The following NEU1 variants were observed in gnomAD, a reference collection of about 807,000 sequenced individuals.
NEU1 encodes neuraminidase 1.
NEU1 carries 32 observed loss-of-function variants against 38.3 expected under a neutral mutation model. That is an observed-to-expected ratio of 0.84 (90% confidence interval 0.63 to 1.12). NEU1 has a LOEUF of 1.12. Among genes scored for constraint, NEU1 ranks in the 50% most tolerant of loss-of-function variants. The probability of loss-of-function intolerance (pLI) is 0.00; values close to 1 mark genes in which losing one functional copy is unlikely to be tolerated. For missense variants in NEU1, 431 were observed against 549.2 expected, an observed-to-expected ratio of 0.78 and a Z score of 2.15; for synonymous variants, 192 against 225.2, an observed-to-expected ratio of 0.85 and a Z score of 1.32.
At position 31,859,864 on chromosome 6, in the gene NEU1, C is replaced by G; in HGVS notation, c.1103G>C (p.Ser368Thr). ...CAGGGTTGCCAGGGATGAATAGCCACTGGGGCCTGGCCATAGCTGGACTGT... is the reference window on the plus strand; with the variant it reads ...CAGGGTTGCCAGGGATGAATAGCCAGTGGGGCCTGGCCATAGCTGGACTGT... ...KETVQLWPGPSGYSSLATLEG... is the reference protein window; with the variant it reads ...KETVQLWPGPTGYSSLATLEG... The change falls in exon 6 of 6, where the codon AGT (serine) becomes ACT (threonine). Residue 368 changes from serine to threonine, a missense_variant. Transcript: ENST00000375631. 7 of 1,613,102 alleles carry G rather than the reference C, an allele frequency of 4.3e-6. No individual in the cohort carries two copies. The highest frequency in any genetic ancestry group is 5.9e-6 in the Non-Finnish European group (7 of 1,180,038).
rs1314104855 is a variant in NEU1 at position 31,860,398 on chromosome 6, G to A, written c.798+41C>T. On this transcript the variant is annotated intron_variant, in intron 4 of 5. Coordinates refer to ENST00000375631, the MANE Select transcript of NEU1 (RefSeq NM_000434.4). The surrounding 1 kb of genome is among the most constrained non-coding windows in gnomAD (Gnocchi z 4.8). ...CGTGAAATGATGTTCTGGAGGGCAGGGAGGGTCAAATGGGTAGGGAACATC... is the reference window on the plus strand; with the variant it reads ...CGTGAAATGATGTTCTGGAGGGCAGAGAGGGTCAAATGGGTAGGGAACATC... 6.2e-7 allele frequency: 1 copy of A among 1,612,776 alleles called. No homozygotes were observed. Among genetic ancestry groups the A allele is most frequent in the Admixed American group, 1.7e-5 (1 of 60,006 alleles).
At position 31,862,066 on chromosome 6, in the gene NEU1, C is replaced by T. The variant is rs1443934122; in HGVS notation, c.285G>A (p.Glu95=). ...TPRGTLLAFA[E]ARKMSSSDEG... ...CATCGGATGAGGACATTTTCCTCGC[C>T]TCAGCAAAGGCGAGAAGAGTGCCCC... is the stretch of plus-strand genomic sequence containing the variant. Residue 95 remains glutamate (E), a synonymous_variant, in exon 2 of 6, where the codon GAG becomes GAA. Coordinates refer to ENST00000375631, the MANE Select transcript of NEU1 (RefSeq NM_000434.4). The surrounding 1 kb of genome is among the most constrained non-coding windows in gnomAD (Gnocchi z 6.3). 13 of 1,612,962 alleles carry T rather than the reference C, an allele frequency of 8.1e-6. No individual in the cohort carries two copies. The highest frequency in any genetic ancestry group is 1.0e-5 in the Non-Finnish European group (12 of 1,180,050).
Position 31,862,645 on chromosome 6 carries a change from C to T in NEU1, c.132G>A (p.Trp44Ter). 6.2e-7 allele frequency: 1 copy of T among 1,613,084 alleles called. No homozygotes were observed. Among genetic ancestry groups the T allele is most frequent in the Non-Finnish European group, 8.5e-7 (1 of 1,180,032 alleles). The part of the protein sequence containing the change: ...IFLLLSLAAS[W>*]SKAENDFGLV... ...GACCGAAGTCGTTCTCAGCCTTGGA[C>T]CAGGAGGCTGCCAGAGACAGCAGCA... The change falls in exon 1 of 6, where the codon TGG becomes TGA. Residue 44 changes from tryptophan to a stop codon, truncating the protein, a stop_gained. Transcript: ENST00000375631. LOFTEE classifies it high-confidence loss of function. The surrounding 1 kb of genome is among the most constrained non-coding windows in gnomAD (Gnocchi z 6.3).
Position 31,860,403 on chromosome 6 carries a change from G to T in NEU1, c.798+36C>A. 6.2e-7 allele frequency: 1 copy of T among 1,613,406 alleles called. No homozygotes were observed. The highest frequency in any genetic ancestry group is 1.1e-5 in the South Asian group (1 of 91,066). On this transcript the variant is annotated intron_variant, in intron 4 of 5. Coordinates refer to ENST00000375631, the MANE Select transcript of NEU1 (RefSeq NM_000434.4). This position sits in a 1 kb window ranked among gnomAD's most constrained non-coding sequence, Gnocchi z 4.8. ...AATGATGTTCTGGAGGGCAGGGAGG[G>T]TCAAATGGGTAGGGAACATCTCATG...
At position 31,860,141 on chromosome 6, in the gene NEU1, T is replaced by C. The variant is rs1301513694; in HGVS notation, c.922A>G (p.Thr308Ala). ...GGGTCCACGAGCTCAGGGTCGAAGG[T>C]CACATCACGGGGCCTTAGTGTATCA... The part of the protein sequence containing the change: ...ACDTLRPRDV[T>A]FDPELVDPVV... Residue 308 changes from threonine (T) to alanine (A), a missense_variant, in exon 5 of 6, where the codon ACC becomes GCC. By Grantham distance (58) the Thr-to-Ala change is moderately conservative. Transcript: ENST00000375631. The surrounding 1 kb of genome is among the most constrained non-coding windows in gnomAD (Gnocchi z 4.8). 2 of 1,612,832 alleles carry C rather than the reference T, an allele frequency of 1.2e-6. No individual in the cohort carries two copies. Among genetic ancestry groups the C allele is most frequent in the African/African-American group, 1.3e-5 (1 of 74,890 alleles).
chr6:31,858,837 C>T lies in NEU1; in HGVS notation c.*882G>A, dbSNP rs1457417515. 1.3e-5 allele frequency: 2 copies of T among 151,358 alleles called. No individual in the cohort carries two copies. Among genetic ancestry groups the T allele is most frequent in the African/African-American group, 4.9e-5 (2 of 41,076 alleles). The allele number at this position is 151,358 out of a possible 1,614,324, so 9.4% of individuals were successfully genotyped here. On this transcript the variant is annotated 3_prime_UTR_variant, in exon 6 of 6. Transcript: ENST00000375631. ...CCATACCAGCCTGGGCAACATAGCG[C>T]AACCTTGTCTCTACTGAAAATAAAA...
rs1386048166 is a variant in NEU1 at position 31,862,806 on chromosome 6, G to A, written c.-30C>T. 1 of 1,612,086 alleles carries A rather than the reference G, an allele frequency of 6.2e-7. No individual in the cohort carries two copies. The highest frequency in any genetic ancestry group is 2.2e-5 in the East Asian group (1 of 44,866). On this transcript the variant is annotated 5_prime_UTR_variant, in exon 1 of 6. Transcript: ENST00000375631. This position sits in a 1 kb window ranked among gnomAD's most constrained non-coding sequence, Gnocchi z 6.3. ...CCCCGCAGCTGCCGCGACCCTGGCA[G>A]CTAGACTCCACAGAGTCGGGAGTCA...
intron 2 of NEU1, 118 bp downstream of exon 2, chr6:31,861,881 C>T: frequency 8.8e-7 from 1 of 1,137,372 alleles, no homozygotes; most frequent in Non-Finnish European, 1.3e-6. Context: ...TTCCCTCTAC[C>T]CCTCAGGGAC....
rs1308129606 is a variant in NEU1 at position 31,862,217 on chromosome 6, C to A, written c.160-26G>T. On this transcript the variant is annotated intron_variant, in intron 1 of 5. Transcript: ENST00000375631. This position sits in a 1 kb window ranked among gnomAD's most constrained non-coding sequence, Gnocchi z 6.3. ...CTGTCATGGGAGGAGGAAGGGTCAA[C>A]AAAGACAAACTTGTCTTGGGGGTTT... is the stretch of plus-strand genomic sequence containing the variant. 3 of 1,611,378 alleles carry A rather than the reference C, an allele frequency of 1.9e-6. No individual in the cohort carries two copies. The South Asian group carries it at 3.3e-5, about 18-fold the overall frequency.
At position 31,862,295 on chromosome 6, in the gene NEU1, G is replaced by A; in HGVS notation, c.160-104C>T. The A allele has an allele frequency of 1.6e-6, 2 of 1,247,304 alleles. No individual in the cohort carries two copies. Among genetic ancestry groups the A allele is most frequent in the Non-Finnish European group, 2.3e-6 (2 of 868,388 alleles). 77.3% of individuals were successfully genotyped at this position (1,247,304 alleles called of 1,614,324 possible). A position where few individuals can be genotyped will look rare whatever the true frequency, so the allele number is the denominator to read the frequency against. On this transcript the variant is annotated intron_variant, in intron 1 of 5. Coordinates refer to ENST00000375631, the MANE Select transcript of NEU1 (RefSeq NM_000434.4). The surrounding 1 kb of genome is among the most constrained non-coding windows in gnomAD (Gnocchi z 6.3). ...GAGGATCTAATGGGGATCCCGAGTA[G>A]GGGATGGGGTCCCAGAACAAGAAAG...
chr6:31,860,766 CATAA>C lies in NEU1; in HGVS notation c.616-149_616-146del, dbSNP rs1488693383. ...CTCACTGAGGGTTCCAGTCAGATCC[CATAA>C]ATACACACCCTGTTTGAATTAAGAA... On this transcript the variant is annotated intron_variant, in intron 3 of 5. Transcript: ENST00000375631. This position sits in a 1 kb window ranked among gnomAD's most constrained non-coding sequence, Gnocchi z 4.8. 1.2e-5 allele frequency: 10 copies of C among 835,884 alleles called. No individual in the cohort carries two copies. Among genetic ancestry groups the C allele is most frequent in the Non-Finnish European group, 1.8e-5 (9 of 505,342 alleles). 51.8% of individuals were successfully genotyped at this position (835,884 alleles called of 1,614,324 possible).
chr6:31,858,649 A>C lies in NEU1; in HGVS notation c.*1070T>G, dbSNP rs1258383135. ...TAAATTAAAAAATAAATAAATAAAAAATAAAAAATATCTTATGGCACTCCC... is the reference window on the plus strand; with the variant it reads ...TAAATTAAAAAATAAATAAATAAAACATAAAAAATATCTTATGGCACTCCC... On this transcript the variant is annotated 3_prime_UTR_variant, in exon 6 of 6. Transcript: ENST00000375631. 1 of 151,468 alleles carries C rather than the reference A, an allele frequency of 6.6e-6. No individual in the cohort carries two copies. The highest frequency in any genetic ancestry group is 1.9e-4 in the East Asian group (1 of 5,168). 9.4% of individuals were successfully genotyped at this position (151,468 alleles called of 1,614,324 possible). A position where few individuals can be genotyped will look rare whatever the true frequency, so the allele number is the denominator to read the frequency against.
In NEU1 at chr6:31,860,057, C is replaced by A. The variant is rs1762442605; in HGVS notation, c.1006G>T (p.Ala336Ser). The stretch of plus-strand genomic sequence containing the variant: ...AGGCACTCACGGAACTCTGGATGTG[C>A]TGGGTTGGAGAAGAAGACAATGCCG... ...SSGIVFFSNP[A>S]HPEFRVNLTL... The change falls in exon 5 of 6, where the codon GCA (alanine) becomes TCA (serine). Residue 336 changes from alanine to serine, a missense_variant. By Grantham distance (99) the Ala-to-Ser change is moderately conservative (BLOSUM62 1). Coordinates refer to ENST00000375631, the MANE Select transcript of NEU1 (RefSeq NM_000434.4). The surrounding 1 kb of genome is among the most constrained non-coding windows in gnomAD (Gnocchi z 4.8). The A allele has an allele frequency of 6.2e-7, 1 of 1,613,016 alleles. No homozygotes were observed.
In NEU1 at chr6:31,860,858, C is replaced by T; in HGVS notation, c.616-237G>A. The T allele has an allele frequency of 1.6e-6, 1 of 628,560 alleles. No individual in the cohort carries two copies. Among genetic ancestry groups the T allele is most frequent in the Non-Finnish European group, 2.8e-6 (1 of 358,450 alleles). The allele number at this position is 628,560 out of a possible 1,614,324, so 38.9% of individuals were successfully genotyped here. A position where few individuals can be genotyped will look rare whatever the true frequency, so the allele number is the denominator to read the frequency against. On this transcript the variant is annotated intron_variant, in intron 3 of 5. Transcript: ENST00000375631. The surrounding 1 kb of genome is among the most constrained non-coding windows in gnomAD (Gnocchi z 4.8). ...GGCCCAGCCACAGGGTGCATGAGAGCTTAAACCCAACCTGTGCTCACTCGC... is the reference window on the plus strand; with the variant it reads ...GGCCCAGCCACAGGGTGCATGAGAGTTTAAACCCAACCTGTGCTCACTCGC...
In NEU1 at chr6:31,858,243, G is replaced by A. The variant is rs191781216; in HGVS notation, c.*1476C>T. 34 of 152,186 alleles carry A rather than the reference G, an allele frequency of 2.2e-4. No homozygotes were observed. Among genetic ancestry groups the A allele is most frequent in the African/African-American group, 8.2e-4 (34 of 41,502 alleles). 9.4% of individuals were successfully genotyped at this position (152,186 alleles called of 1,614,324 possible). The stretch of plus-strand genomic sequence containing the variant: ...CCCAGCACTTTGAGAGAACATGGCC[G>A]GCAGATTGCTTGAGCTCAGCAGTTT... On this transcript the variant is annotated 3_prime_UTR_variant, in exon 6 of 6. Transcript: ENST00000375631.
Position 31,859,874 on chromosome 6 carries a change from GCCATAGCTGGA to G in NEU1, c.1082_1092del (p.Val361AlafsTer30). On this transcript the variant is annotated frameshift_variant, in exon 6 of 6. Coordinates refer to ENST00000375631, the MANE Select transcript of NEU1 (RefSeq NM_000434.4). LOFTEE classifies it high-confidence loss of function. Reference sequence around the variant, plus strand: ...AGGGATGAATAGCCACTGGGGCCTGGCCATAGCTGGACTGTCTCTTTCCGCCATGAGGTACC... The same window carrying G: ...AGGGATGAATAGCCACTGGGGCCTGGCTGTCTCTTTCCGCCATGAGGTACC... 6.2e-7 allele frequency: 1 copy of G among 1,613,040 alleles called. No individual in the cohort carries two copies. The highest frequency in any genetic ancestry group is 8.5e-7 in the Non-Finnish European group (1 of 1,180,024).
chr6:31,861,769 GTATA>G, intron 2 of NEU1: 1 of 629,008 alleles, frequency 1.6e-6, no homozygotes. Context: ...ATAGTGCCTG[GTATA>G]GGTATATAGT....
chr6:31,862,582 C>T lies in NEU1; in HGVS notation c.159+36G>A, dbSNP rs377613881. ...GGACACTAGGTGTCGATCACCTGCG[C>T]GGGTCGGGGATGGGGCTATGCAAAG... is the stretch of plus-strand genomic sequence containing the variant. On this transcript the variant is annotated intron_variant, in intron 1 of 5. Coordinates refer to ENST00000375631, the MANE Select transcript of NEU1 (RefSeq NM_000434.4). This position sits in a 1 kb window ranked among gnomAD's most constrained non-coding sequence, Gnocchi z 6.3. 85 of 1,612,924 alleles carry T rather than the reference C, an allele frequency of 5.3e-5. No homozygotes were observed. In the African/African-American group the frequency reaches 9.7e-4, roughly 18 times the overall value.
In NEU1 at chr6:31,859,243, C is replaced by A; in HGVS notation, c.*476G>T. 3.8e-6 allele frequency: 1 copy of A among 261,884 alleles called. No homozygotes were observed. The highest frequency in any genetic ancestry group is 2.2e-5 in the African/African-American group (1 of 45,788). 16.2% of individuals were successfully genotyped at this position (261,884 alleles called of 1,614,324 possible). On this transcript the variant is annotated 3_prime_UTR_variant, in exon 6 of 6. Coordinates refer to ENST00000375631, the MANE Select transcript of NEU1 (RefSeq NM_000434.4). Reference sequence around the variant, plus strand: ...TTCATTAAAAATTTTAAGTTACAAACATTTTGATTGATAGTCAGTCATGGT... The same window carrying A: ...TTCATTAAAAATTTTAAGTTACAAAAATTTTGATTGATAGTCAGTCATGGT...
Sources: allele counts gnomAD v4.1 joint callset, GRCh38; gene constraint gnomAD v4.1.1; non-coding constraint Gnocchi (gnomAD v3.1); transcripts MANE v1.5; gene names NCBI Gene and HGNC (gene_info 2026-07-23, HGNC 2026-07-21).